The following CLNK variants were observed in gnomAD, a reference collection of about 807,000 sequenced individuals.
The protein encoded by CLNK is cytokine-dependent hematopoietic cell linker.
In CLNK, 74 loss-of-function variants were observed where a neutral mutation model predicts 68.6. The observed-to-expected ratio is 1.08, with a 90% CI of 0.89 to 1.31. CLNK has a LOEUF of 1.31. CLNK is among the 50% of genes most tolerant of loss of function. CLNK has a pLI of 0.00. For synonymous variants in CLNK, 198 were observed against 172.2 expected (o/e 1.15, Z -1.17); for missense variants, 553 against 515.3 (o/e 1.07, Z -0.71).
At chr4:10,731,438 T>A in the CLNK span, among the ~76,000 whole-genome samples, 630 of 152,342 alleles carry the variant, frequency 4.1e-3, 2 homozygotes, top group Admixed American at 1.0e-2. Context: ...TTTAGCCACA[T>A]CTTTTGTTCC....
chr4:10,514,827 G>A (rs897237403), intron 15 of CLNK, among the ~76,000 whole-genome samples: 1 of 151,672 alleles, frequency 6.6e-6, no homozygotes, highest in Non-Finnish European at 1.5e-5. Context: ...CTACAACATG[G>A]GAGAAAATTT....
At chr4:10,609,318 A>C (rs1308330254) in intron 2 of CLNK, among the ~76,000 whole-genome samples, 1 of 152,156 alleles carries the variant, frequency 6.6e-6, no homozygotes, top group Non-Finnish European at 1.5e-5. Flanking sequence ...GTTCATACTT[A>C]GTCAGAACTC....
At chr4:10,689,931 A>T in the CLNK span, among the ~76,000 whole-genome samples, 185 of 151,960 alleles carry the variant, frequency 1.2e-3, no homozygotes, top group African/African-American at 3.7e-3. Context: ...TGTCTCCTTC[A>T]GGACACATGC....
intron 2 of CLNK, among the ~76,000 whole-genome samples, chr4:10,625,775 TAGAC>T (rs1722644293): frequency 1.3e-5 from 2 of 151,840 alleles, no homozygotes; most frequent in African/African-American, 2.4e-5. Context: ...GAGGCAGAGA[TAGAC>T]AGGAAGAGAC....
Position 10,651,662 on chromosome 4 carries a change from T to A in CLNK, c.11+16197A>T, listed in dbSNP as rs111801612. On this transcript the variant is annotated intron_variant, in intron 2 of 18. Transcript: ENST00000226951. ...AGTATGCTAACTATTTGGGTAAATATTTAAAAGTATTGACTGTTTGAAACA... is the reference window on the plus strand; with the variant it reads ...AGTATGCTAACTATTTGGGTAAATAATTAAAAGTATTGACTGTTTGAAACA... Among the ~76,000 whole-genome samples, 809 of 152,290 alleles carry A rather than the reference T, an allele frequency of 5.3e-3. 3 individuals carry two copies. The highest frequency in any genetic ancestry group is 0.019 in the African/African-American group (771 of 41,578).
chr4:10,487,644 T>C lies in CLNK; in HGVS notation c.*2823A>G, dbSNP rs1474158120. 1 of 152,048 alleles carries C rather than the reference T, an allele frequency of 6.6e-6. No homozygotes were observed. The highest frequency in any genetic ancestry group is 1.5e-5 in the Non-Finnish European group (1 of 68,056). The allele number at this position is 152,048 out of a possible 1,614,324, so 9.4% of individuals were successfully genotyped here. On this transcript the variant is annotated 3_prime_UTR_variant, in exon 19 of 19. Transcript: ENST00000226951. The stretch of plus-strand genomic sequence containing the variant: ...GGTCTTTTTTTTTTGTTGTTTTTCT[T>C]TTTCCCAGGATAGCCCCAGACAATG...
the CLNK span, among the ~76,000 whole-genome samples, chr4:10,725,242 A>T: frequency 9.2e-5 from 14 of 152,230 alleles, no homozygotes; most frequent in South Asian, 2.9e-3. Context: ...TGACTGGAGC[A>T]CACCCTTTCC....
At chr4:10,608,000 GA>G (rs1478754902) in intron 2 of CLNK, among the ~76,000 whole-genome samples, 5 of 152,166 alleles carry the variant, frequency 3.3e-5, no homozygotes, top group Non-Finnish European at 1.5e-5. Context: ...TAAGAGTGCT[GA>G]ATCATTAGCA....
At chr4:10,565,782 A>G (rs1375439067) in intron 6 of CLNK, among the ~76,000 whole-genome samples, 1 of 152,126 alleles carries the variant, frequency 6.6e-6, no homozygotes, top group East Asian at 1.9e-4. Flanking sequence ...TGCGTCATTC[A>G]CATAATCTTC....
At chr4:10,519,366 G>T (rs1341253180) in intron 15 of CLNK, among the ~76,000 whole-genome samples, 4 of 152,068 alleles carry the variant, frequency 2.6e-5, no homozygotes, top group Non-Finnish European at 5.9e-5. Flanking sequence ...TCTAAGCTAT[G>T]ATTCTGCTTC....
At chr4:10,647,059 C>T (rs1353602122) in intron 2 of CLNK, among the ~76,000 whole-genome samples, 2 of 152,252 alleles carry the variant, frequency 1.3e-5, no homozygotes, top group South Asian at 2.1e-4. Context: ...CATTTGTGTG[C>T]CTTCCAGACC....
chr4:10,644,553 A>G (rs1452868831), intron 2 of CLNK, among the ~76,000 whole-genome samples: 3 of 152,160 alleles, frequency 2.0e-5, no homozygotes, highest in Non-Finnish European at 2.9e-5. Flanking sequence ...ACACTGTGCA[A>G]CCCAGAATAT....
intron 3 of CLNK, among the ~76,000 whole-genome samples, chr4:10,595,600 C>T (rs1045843699): frequency 1.3e-5 from 2 of 152,074 alleles, no homozygotes; most frequent in Admixed American, 1.3e-4. Flanking sequence ...GCACTTTTGA[C>T]CTTGGGGTGG....
rs540755351 is a variant in CLNK, at chr4:10,523,368, A to T, written c.731+2473T>A. Among the ~76,000 whole-genome samples, 17 of 152,222 alleles carry T rather than the reference A, an allele frequency of 1.1e-4. No individual in the cohort carries two copies. In the East Asian group the frequency reaches 3.3e-3, roughly 29 times the overall value. ...AGATACACAGGTCTGGAGCTGAGAG[A>T]GGTGATTTGCAGAAGATAGGGATTT... On this transcript the variant is annotated intron_variant, in intron 14 of 18. Transcript: ENST00000226951.
At chr4:10,555,710 AAT>A (rs1719643840) in intron 8 of CLNK, among the ~76,000 whole-genome samples, 1 of 152,246 alleles carries the variant, frequency 6.6e-6, no homozygotes, top group Non-Finnish European at 1.5e-5. Context: ...TGAACCAACC[AAT>A]ATGTTTTATT....
At chr4:10,573,974 G>A (rs181471066) in intron 4 of CLNK, among the ~76,000 whole-genome samples, 7 of 152,166 alleles carry the variant, frequency 4.6e-5, no homozygotes, top group Admixed American at 1.3e-4. Context: ...AATTGTTAAC[G>A]CATATGTTTT....
rs553177550 is a variant in CLNK at position 10,596,893 on chromosome 4, G to A, written c.83+1085C>T. On this transcript the variant is annotated intron_variant, in intron 3 of 18. Transcript: ENST00000226951. ...GCTTCAACCCTCTCCATCTGAAAGA[G>A]GGCTTCTAAACCTTCTATCTCCCAT... Among the ~76,000 whole-genome samples, 22 of 152,238 alleles carry A rather than the reference G, an allele frequency of 1.4e-4. No individual in the cohort carries two copies. The South Asian group carries it at 4.6e-3, about 32-fold the overall frequency.
chr4:10,697,536 T>G, the CLNK span: 1 of 152,134 alleles, frequency 6.6e-6, no homozygotes, highest in Non-Finnish European at 1.5e-5. Flanking sequence ...TGGCGATGGA[T>G]GACAGTGTGA....
At chr4:10,580,729 T>C (rs73228227) in intron 4 of CLNK, among the ~76,000 whole-genome samples, 27,592 of 152,198 alleles carry the variant, frequency 0.18, 2,828 homozygotes, top group African/African-American at 0.28. Flanking sequence ...TGTAAAATGG[T>C]ACAATGCGTT....
Sources: allele counts gnomAD v4.1 joint callset (sites outside exome capture counted in the v4.1 genomes callset), GRCh38; gene constraint gnomAD v4.1.1; transcripts MANE v1.5; gene names NCBI Gene and HGNC (gene_info 2026-07-23, HGNC 2026-07-21).